The following POLL variants were observed in gnomAD, a reference collection of about 807,000 sequenced individuals.
POLL encodes DNA polymerase beta-2.
POLL carries 44 observed loss-of-function variants against 58.1 expected under a neutral mutation model. The ratio of observed to expected loss-of-function variants is 0.76; its 90% CI spans 0.60 to 0.97. The LOEUF is 0.97. Ranked by LOEUF, POLL falls within the 50% of genes least tolerant of loss-of-function variation. The pLI, the probability that POLL is intolerant of heterozygous loss-of-function variation, is 0.00. For synonymous variants in POLL, 290 were observed against 283.2 expected, an observed-to-expected ratio of 1.02 and a Z score of -0.24; for missense variants, 632 against 736.8, an observed-to-expected ratio of 0.86 and a Z score of 1.65.
At chr10:101,585,030 T>C (rs1468779476) in intron 4 of POLL, 111 bp from the exon 5 acceptor site, 4 of 763,310 alleles carry the variant, frequency 5.2e-6, no homozygotes, top group Admixed American at 3.5e-5. Flanking sequence ...TAGTCAGACC[T>C]AAGAATGAGG....
rs1341239574 is a variant in POLL, at chr10:101,586,129, A to G, written c.143T>C (p.Val48Ala). The G allele has an allele frequency of 1.9e-6, 3 of 1,613,370 alleles. No homozygotes were observed. The highest frequency in any genetic ancestry group is 2.5e-6 in the Non-Finnish European group (3 of 1,179,770). The change falls in exon 3 of 9, where the codon GTT (valine) becomes GCT (alanine). Residue 48 changes from valine (V) to alanine (A), a missense_variant. Coordinates refer to ENST00000370162, the MANE Select transcript of POLL (RefSeq NM_001174084.2). ...GGCTCGTCCAATGCCAGTGCGCACA[A>G]CATGGGCCCGAAGGGAGCTCAGCCA... The part of the protein sequence containing the change: ...EEWLSSLRAH[V>A]VRTGIGRARA...
intron 2 of POLL, among the ~76,000 whole-genome samples, chr10:101,586,480 TTTG>T: frequency 6.6e-6 from 1 of 152,230 alleles, no homozygotes. Flanking sequence ...TTTTTGTTTG[TTTG>T]TTTTGTTTTC....
rs760809916 is a variant in POLL at position 101,583,606 on chromosome 10, G to A, written c.967C>T (p.Arg323Trp). The A allele has an allele frequency of 8.1e-6, 13 of 1,614,142 alleles. No homozygotes were observed. The highest frequency in any genetic ancestry group is 4.4e-5 in the South Asian group (4 of 91,076). The part of the protein sequence containing the change: ...IIEILESGHL[R>W]KLDHISESVP... The stretch of plus-strand genomic sequence containing the variant: ...CTCTCACTGATATGGTCCAGCTTCC[G>A]CAAATGCCCGCTCTCCAGGATCTCT... The change falls in exon 6 of 9, where the codon CGG (arginine) becomes TGG (tryptophan). Residue 323 changes from arginine (R) to tryptophan (W), a missense_variant. Transcript: ENST00000370162.
Position 101,588,051 on chromosome 10 carries a change from G to A in POLL, c.-276C>T, listed in dbSNP as rs1472039363. ...TGTACTCGCCGTGTACGCAGCTGGC[G>A]CAGGCCAGGGAATCCCAGCTCGGGG... is the stretch of plus-strand genomic sequence containing the variant. On this transcript the variant is annotated 5_prime_UTR_variant, in exon 1 of 9. Transcript: ENST00000370162. The A allele has an allele frequency of 7.0e-7, 1 of 1,430,350 alleles. No individual in the cohort carries two copies. Among genetic ancestry groups the A allele is most frequent in the Admixed American group, 2.1e-5 (1 of 47,450 alleles). The allele number at this position is 1,430,350 out of a possible 1,614,324, so 88.6% of individuals were successfully genotyped here.
intron 2 of POLL, 26 bp from the exon 3 acceptor site, chr10:101,586,182 A>AC (rs780079927): frequency 6.3e-7 from 1 of 1,576,388 alleles, no homozygotes; most frequent in Admixed American, 1.8e-5. Flanking sequence ...CCAGATGACT[A>AC]CTGTTGTAAC....
chr10:101,580,098 C>A lies in POLL; in HGVS notation c.1363+150G>T, dbSNP rs2062897939. 4.0e-6 allele frequency: 3 copies of A among 753,250 alleles called. No homozygotes were observed. In the East Asian group the frequency reaches 8.1e-5, roughly 20 times the overall value. 46.7% of individuals were successfully genotyped at this position (753,250 alleles called of 1,614,324 possible). On this transcript the variant is annotated intron_variant, in intron 8 of 8. Transcript: ENST00000370162. The surrounding 1 kb of genome is among the most constrained non-coding windows in gnomAD (Gnocchi z 4.1). Reference sequence around the variant, plus strand: ...GTTCCATCTCTCCCTGGAGAGGATTCCGGCCCCGATAGAGAGATGGGATGC... The same window carrying A: ...GTTCCATCTCTCCCTGGAGAGGATTACGGCCCCGATAGAGAGATGGGATGC...
rs767829289 is a variant in POLL, at chr10:101,579,810, G to A, written c.1371C>T (p.Leu457=). ...CCTCTTGGCTCACCAAGTCATCTGT[G>A]AGGAACCCTGGCCCAACAGAGGGGA... The part of the protein sequence containing the change: ...LLDSLRQEGF[L]TDDLVSQEEN... Residue 457 remains leucine, a synonymous_variant, in exon 9 of 9, where the codon CTC becomes CTT. Transcript: ENST00000370162. This position sits in a 1 kb window ranked among gnomAD's most constrained non-coding sequence, Gnocchi z 4.4. 1 of 1,612,316 alleles carries A rather than the reference G, an allele frequency of 6.2e-7. No homozygotes were observed. Among genetic ancestry groups the A allele is most frequent in the South Asian group, 1.1e-5 (1 of 90,822 alleles).
In POLL at chr10:101,588,159, T is replaced by G; in HGVS notation, c.-384A>C. On this transcript the variant is annotated 5_prime_UTR_variant, in exon 1 of 9. Coordinates refer to ENST00000370162, the MANE Select transcript of POLL (RefSeq NM_001174084.2). ...TCGGTCCCCGGGTGGGGTCGACTAC[T>G]GGCCAAGCTAGTCACCCGGGGGTGG... The G allele has an allele frequency of 5.9e-6, 9 of 1,520,380 alleles. No individual in the cohort carries two copies. The highest frequency in any genetic ancestry group is 7.9e-6 in the Non-Finnish European group (9 of 1,135,822). 94.2% of individuals were successfully genotyped at this position (1,520,380 alleles called of 1,614,324 possible). A position where few individuals can be genotyped will look rare whatever the true frequency, so the allele number is the denominator to read the frequency against.
rs1564857671 is a variant in POLL at position 101,579,713 on chromosome 10, C to T, written c.1468G>A (p.Asp490Asn). The part of the protein sequence containing the change: ...PGPGRRHRRL[D>N]IIVVPYSEFA... ...TCGCTATAGGGCACCACGATGATGT[C>T]CAGGCGCCGGTGCCGCCGCCCTGGC... The change falls in exon 9 of 9, where the codon GAC becomes AAC. Residue 490 changes from aspartate to asparagine, a missense_variant. Physicochemically the swap from Asp to Asn is conservative, Grantham distance 23. Transcript: ENST00000370162. This position sits in a 1 kb window ranked among gnomAD's most constrained non-coding sequence, Gnocchi z 4.4. 2 of 1,613,842 alleles carry T rather than the reference C, an allele frequency of 1.2e-6. No individual in the cohort carries two copies. Among genetic ancestry groups the T allele is most frequent in the East Asian group, 4.5e-5 (2 of 44,854 alleles).
chr10:101,588,079 A>C lies in POLL; in HGVS notation c.-304T>G. Reference sequence around the variant, plus strand: ...GGCCAGGGAATCCCAGCTCGGGGCTAGAAGAAAGCTGGAGTGCCCGACCCC... The same window carrying C: ...GGCCAGGGAATCCCAGCTCGGGGCTCGAAGAAAGCTGGAGTGCCCGACCCC... On this transcript the variant is annotated 5_prime_UTR_variant, in exon 1 of 9. Coordinates refer to ENST00000370162, the MANE Select transcript of POLL (RefSeq NM_001174084.2). 6.8e-7 allele frequency: 1 copy of C among 1,468,656 alleles called. No individual in the cohort carries two copies. The highest frequency in any genetic ancestry group is 2.1e-5 in the Admixed American group (1 of 48,708). 91.0% of individuals were successfully genotyped at this position (1,468,656 alleles called of 1,614,324 possible). A position where few individuals can be genotyped will look rare whatever the true frequency, so the allele number is the denominator to read the frequency against.
intron 2 of POLL, among the ~76,000 whole-genome samples, chr10:101,586,732 T>C (rs1275430709): frequency 2.6e-5 from 4 of 152,166 alleles, no homozygotes; most frequent in African/African-American, 7.2e-5. Flanking sequence ...TGAGCACAGG[T>C]GATCTGCCTG....
rs541941980 is a variant in POLL, at chr10:101,585,773, T to A, written c.410+89A>T. On this transcript the variant is annotated intron_variant, in intron 3 of 8. Coordinates refer to ENST00000370162, the MANE Select transcript of POLL (RefSeq NM_001174084.2). ...ACCCCACCATGCCTGGCTAATTTTT[T>A]AATTAATGATAGTTATTTTTAATAA... 2.6e-4 allele frequency: 320 copies of A among 1,217,162 alleles called. No homozygotes were observed. The East Asian group carries it at 5.8e-3, about 22-fold the overall frequency. The allele number at this position is 1,217,162 out of a possible 1,614,324, so 75.4% of individuals were successfully genotyped here. A position where few individuals can be genotyped will look rare whatever the true frequency, so the allele number is the denominator to read the frequency against.
Position 101,584,785 on chromosome 10 carries a change from C to T in POLL, c.708G>A (p.Leu236=). 1 of 1,609,124 alleles carries T rather than the reference C, an allele frequency of 6.2e-7. No individual in the cohort carries two copies. The highest frequency in any genetic ancestry group is 1.1e-5 in the South Asian group (1 of 90,400). The change falls in exon 5 of 9, where the codon CTG becomes CTA. Residue 236 remains leucine (L), a synonymous_variant. Coordinates refer to ENST00000370162, the MANE Select transcript of POLL (RefSeq NM_001174084.2). ...DCEPSPAPAV[L]DKWVCAQPSS... ...AGGGCTGTGCACAGACCCACTTATC[C>T]AGGACAGCAGGGGCTGGGCTAGGCT...
chr10:101,587,641 T>C lies in POLL; in HGVS notation c.-47+181A>G, dbSNP rs1163757890. 6.2e-6 allele frequency: 6 copies of C among 972,768 alleles called. No homozygotes were observed. In the East Asian group the frequency reaches 1.3e-4, roughly 22 times the overall value. The allele number at this position is 972,768 out of a possible 1,614,324, so 60.3% of individuals were successfully genotyped here. On this transcript the variant is annotated intron_variant, in intron 1 of 8. Coordinates refer to ENST00000370162, the MANE Select transcript of POLL (RefSeq NM_001174084.2). ...AGGCTGGTGCCATCGGGGGTACTTT[T>C]GAGGAGTAGGAAACGACACCATTCC... is the stretch of plus-strand genomic sequence containing the variant.
chr10:101,586,073 G>C lies in POLL; in HGVS notation c.199C>G (p.Gln67Glu). 6.2e-7 allele frequency: 1 copy of C among 1,614,094 alleles called. No homozygotes were observed. The highest frequency in any genetic ancestry group is 1.1e-5 in the South Asian group (1 of 91,082). The stretch of plus-strand genomic sequence containing the variant: ...GCAGGGCATAGCTGGCCGCCATGCT[G>C]AACAATCTGCTTCTCAAAGAGTTCT... ...RAELFEKQIV[Q>E]HGGQLCPAQG... The change falls in exon 3 of 9, where the codon CAG (glutamine) becomes GAG (glutamate). Residue 67 changes from glutamine (Q) to glutamate (E), a missense_variant. Transcript: ENST00000370162.
At chr10:101,587,551 G>C in intron 1 of POLL, 145 bp from the exon 2 acceptor site, 1 of 1,440,750 alleles carries the variant, frequency 6.9e-7, no homozygotes. Context: ...TTAAACTTCA[G>C]TGGTTTAGCC....
At position 101,584,655 on chromosome 10, in the gene POLL, CA is replaced by C. The variant is rs2063195988; in HGVS notation, c.837del (p.Tyr279Ter). 6.2e-7 allele frequency: 1 copy of C among 1,608,648 alleles called. No individual in the cohort carries two copies. Among genetic ancestry groups the C allele is most frequent in the Non-Finnish European group, 8.5e-7 (1 of 1,177,836 alleles). On this transcript the variant is annotated frameshift_variant, in exon 5 of 9. Coordinates refer to ENST00000370162, the MANE Select transcript of POLL (RefSeq NM_001174084.2). LOFTEE classifies it high-confidence loss of function. The stretch of plus-strand genomic sequence containing the variant: ...CTCTTGAGGGCATTGATGGCCTTGG[CA>C]TAGCCCAGGGCCCTCCACTTGTCTC... ...VQGDKWRALG[Y>X]AKAINALKSF...
intron 1 of POLL, 179 bp from the exon 2 acceptor site, chr10:101,587,585 C>T (rs1188677492): frequency 1.7e-5 from 21 of 1,249,644 alleles, no homozygotes; most frequent in Non-Finnish European, 2.0e-5. Flanking sequence ...CCCAGCCTTT[C>T]GAAGTTGGAG....
intron 1 of POLL, 33 bp from the exon 2 acceptor site, chr10:101,587,439 A>G: frequency 6.3e-7 from 1 of 1,583,606 alleles, no homozygotes; most frequent in Non-Finnish European, 8.6e-7. Flanking sequence ...GAGGCCCTCC[A>G]ACCCCTTTGC....
Sources: allele counts gnomAD v4.1 joint callset (sites outside exome capture counted in the v4.1 genomes callset), GRCh38; gene constraint gnomAD v4.1.1; non-coding constraint Gnocchi (gnomAD v3.1); transcripts MANE v1.5; gene names NCBI Gene and HGNC (gene_info 2026-07-23, HGNC 2026-07-21).